BCL2L14: variants seen among roughly 807,000 people sequenced by gnomAD.
BCL2L14 encodes the protein apoptosis facilitator Bcl-2-like protein 14.
BCL2L14 carries 27 observed loss-of-function variants against 35.3 expected under a neutral mutation model. The ratio of observed to expected loss-of-function variants is 0.76; its 90% CI spans 0.56 to 1.05. BCL2L14 has a LOEUF of 1.05. Among genes scored for constraint, BCL2L14 ranks in the 50% least tolerant of loss-of-function variants. BCL2L14 has a pLI of 0.00. For synonymous variants in BCL2L14, 139 were observed against 145.9 expected, an observed-to-expected ratio of 0.95 and a Z score of 0.34; for missense variants, 377 against 382.6, an observed-to-expected ratio of 0.99 and a Z score of 0.12.
intron 5 of BCL2L14, chr12:12,095,596 C>A (rs885636): frequency 1.6e-5 from 16 of 985,054 alleles, no homozygotes; most frequent in Non-Finnish European, 1.9e-5. Flanking sequence ...AAATGTACTA[C>A]CCCACAACTT....
At position 12,079,518 on chromosome 12, in the gene BCL2L14, A is replaced by G. The variant is rs756267399; in HGVS notation, c.213A>G (p.Ser71=). The G allele has an allele frequency of 2.5e-6, 4 of 1,614,244 alleles. No homozygotes were observed. The East Asian group carries it at 8.9e-5, about 36-fold the overall frequency. The part of the protein sequence containing the change: ...CSANESWTEV[S]WPCRNSQSSE... Reference sequence around the variant, plus strand: ...CAAATGAGTCATGGACAGAGGTGTCATGGCCTTGCAGAAATTCCCAATCCA... The same window carrying G: ...CAAATGAGTCATGGACAGAGGTGTCGTGGCCTTGCAGAAATTCCCAATCCA... Residue 71 remains serine, a synonymous_variant, in exon 2 of 6, where the codon TCA becomes TCG. Transcript: ENST00000308721.
At position 12,094,724 on chromosome 12, in the gene BCL2L14, A is replaced by T. The variant is rs963494254; in HGVS notation, c.739A>T (p.Lys247Ter). ...FQDGLSYSVFKTITDQVLMGV... is the reference protein window; with the variant it reads ...FQDGLSYSVF ...GGATGGGCTGTCCTACTCTGTTTTC[A>T]AGACCATCACAGACCAGGTCCTAAT... Residue 247 changes from lysine (K) to a stop codon, truncating the protein, a stop_gained, in exon 5 of 6, where the codon AAG becomes TAG. Transcript: ENST00000308721. LOFTEE classifies it high-confidence loss of function. The T allele has an allele frequency of 1.2e-6, 2 of 1,614,220 alleles. No homozygotes were observed. Among genetic ancestry groups the T allele is most frequent in the Admixed American group, 1.7e-5 (1 of 60,028 alleles).
rs1949276430 is a variant in BCL2L14 at position 12,094,759 on chromosome 12, C to T, written c.774C>T (p.Asp258=). The T allele has an allele frequency of 6.2e-7, 1 of 1,614,108 alleles. No individual in the cohort carries two copies. Among genetic ancestry groups the T allele is most frequent in the Non-Finnish European group, 8.5e-7 (1 of 1,180,022 alleles). ...CAGACCAGGTCCTAATGGGTGTGGA[C>T]CCCAGGGGAGAATCAGAGGTCAAAG... The part of the protein sequence containing the change: ...TITDQVLMGV[D]PRGESEVKAQ... The change falls in exon 5 of 6, where the codon GAC becomes GAT. Residue 258 remains aspartate, a synonymous_variant. Coordinates refer to ENST00000308721, the MANE Select transcript of BCL2L14 (RefSeq NM_138723.2).
At chr12:12,078,004 C>G (rs1641721) in intron 1 of BCL2L14, 315,531 of 433,598 alleles carry the variant, frequency 0.73, 115,655 homozygotes, top group African/African-American at 0.8. Context: ...GGAAATTGAA[C>G]AAAATCAGTT....
chr12:12,053,714 C>T (rs528385870), intron 2 of BCL2L14, among the ~76,000 whole-genome samples: 6 of 152,306 alleles, frequency 3.9e-5, no homozygotes, highest in East Asian at 3.9e-4. Flanking sequence ...CATGCCCAGC[C>T]GGCAATATAA....
Position 12,079,680 on chromosome 12 carries a change from G to T in BCL2L14, c.375G>T (p.Ser125=), listed in dbSNP as rs748708542. 2 of 1,614,090 alleles carry T rather than the reference G, an allele frequency of 1.2e-6. No homozygotes were observed. Among genetic ancestry groups the T allele is most frequent in the African/African-American group, 2.7e-5 (2 of 74,932 alleles). The change falls in exon 2 of 6, where the codon TCG becomes TCT. Residue 125 remains serine (S), a synonymous_variant. Coordinates refer to ENST00000308721, the MANE Select transcript of BCL2L14 (RefSeq NM_138723.2). ...QGQRTLEYQD[S]HSQQWSRCLS... ...AAAGGACGTTGGAATACCAAGATTC[G>T]CACAGCCAGCAGTGGTCCAGGTGTC...
At chr12:12,063,072 A>C (rs1348637606) in intron 2 of BCL2L14, among the ~76,000 whole-genome samples, 3 of 151,756 alleles carry the variant, frequency 2.0e-5, no homozygotes, top group African/African-American at 7.3e-5. Context: ...CCCCAGTCTC[A>C]TTCCAGACAG....
intron 2 of BCL2L14, chr12:12,055,487 A>C (rs1489885205): frequency 6.6e-6 from 1 of 152,134 alleles, no homozygotes; most frequent in Non-Finnish European, 1.5e-5. Context: ...ACATCAATGC[A>C]CGGTTTTTGA....
At chr12:12,088,467 A>G (rs745633637) in intron 3 of BCL2L14, among the ~76,000 whole-genome samples, 2 of 152,122 alleles carry the variant, frequency 1.3e-5, no homozygotes, top group Non-Finnish European at 2.9e-5. Context: ...TGCGGCCGCC[A>G]TGTTGGACAT....
chr12:12,075,032 C>CA (rs1446270047), intron 1 of BCL2L14, among the ~76,000 whole-genome samples: 2 of 152,094 alleles, frequency 1.3e-5, no homozygotes, highest in Non-Finnish European at 2.9e-5. Context: ...CATCTTTATA[C>CA]AGTATGTTTG....
rs756888661 is a variant in BCL2L14, at chr12:12,090,803, A to G, written c.632A>G (p.Lys211Arg). ...GATGAAGAAGAACAAATACTAGCCA[A>G]AATTGTTGAGCTGCTGAAATATTCA... is the stretch of plus-strand genomic sequence containing the variant. ...KKDEEEQILA[K>R]IVELLKYSGD... Residue 211 changes from lysine (K) to arginine (R), a missense_variant, in exon 4 of 6, where the codon AAA becomes AGA. Physicochemically the swap from Lys to Arg is conservative, Grantham distance 26. Transcript: ENST00000308721. 1.2e-6 allele frequency: 2 copies of G among 1,613,596 alleles called. No homozygotes were observed. Among genetic ancestry groups the G allele is most frequent in the Non-Finnish European group, 1.7e-6 (2 of 1,179,756 alleles).
At chr12:12,081,945 A>G (rs1948936364) in intron 2 of BCL2L14, among the ~76,000 whole-genome samples, 2 of 152,176 alleles carry the variant, frequency 1.3e-5, no homozygotes, top group Non-Finnish European at 2.9e-5. Flanking sequence ...AGGTGGCAGT[A>G]ATGTCTCAGT....
rs542190109 is a variant in BCL2L14, at chr12:12,079,730, A to G, written c.425A>G (p.Glu142Gly). 1.9e-6 allele frequency: 3 copies of G among 1,611,450 alleles called. No homozygotes were observed. The African/African-American group carries it at 4.0e-5, about 22-fold the overall frequency. ...RCLSNVEQCL[E>G]HEAVDPKVIS... is the part of the protein sequence containing the mutation. ...CTTTCTAACGTGGAGCAGTGCTTGG[A>G]GCATGAAGGTAGGCATCTGGGATTT... Residue 142 changes from glutamate to glycine, a missense_variant, in exon 2 of 6, where the codon GAG becomes GGG. Glu to Gly is a moderately conservative substitution (Grantham distance 98, BLOSUM62 -2). Coordinates refer to ENST00000308721, the MANE Select transcript of BCL2L14 (RefSeq NM_138723.2).
intron 1 of BCL2L14, among the ~76,000 whole-genome samples, chr12:12,078,236 C>T (rs1233829945): frequency 6.6e-6 from 1 of 151,868 alleles, no homozygotes; most frequent in Non-Finnish European, 1.5e-5. Context: ...CATGGCATAC[C>T]AAATATAGCA....
At chr12:12,064,644 T>G (rs967568191) in intron 2 of BCL2L14, among the ~76,000 whole-genome samples, 1 of 152,188 alleles carries the variant, frequency 6.6e-6, no homozygotes, top group African/African-American at 2.4e-5. Context: ...CATCTCCAAT[T>G]TTACAGTAAA....
intron 3 of BCL2L14, among the ~76,000 whole-genome samples, chr12:12,087,804 G>C (rs1949081035): frequency 1.3e-5 from 2 of 152,184 alleles, no homozygotes; most frequent in South Asian, 4.2e-4. Context: ...AAAAGCAGGG[G>C]TTGTCAGGCA....
chr12:12,064,955 T>C (rs1177853529), intron 2 of BCL2L14, among the ~76,000 whole-genome samples: 1 of 152,214 alleles, frequency 6.6e-6, no homozygotes, highest in Non-Finnish European at 1.5e-5. Context: ...GCACTATCAC[T>C]TCAATCCTTC....
At chr12:12,090,629 G>A (rs1172270790) in intron 3 of BCL2L14, 150 bp from the exon 4 acceptor site, 8 of 553,786 alleles carry the variant, frequency 1.4e-5, no homozygotes, top group African/African-American at 4.1e-5. Flanking sequence ...GCAAAACTCT[G>A]TCTAAAAAAT....
In BCL2L14 at chr12:12,098,935, AT is replaced by A; in HGVS notation, c.946-10del. On this transcript the variant is annotated splice_polypyrimidine_tract_variant and intron_variant, in intron 5 of 5. Coordinates refer to ENST00000308721, the MANE Select transcript of BCL2L14 (RefSeq NM_138723.2). ...ATCTAACTTGGAATTTTAAGAACCT[AT>A]TTTTCCCCTCTAGGAAAAAATACTT... The A allele has an allele frequency of 1.3e-6, 2 of 1,568,526 alleles. No homozygotes were observed. The highest frequency in any genetic ancestry group is 1.8e-6 in the Non-Finnish European group (2 of 1,138,568).
Sources: gnomAD v4.1 joint callset for allele counts (sites outside exome capture counted in the v4.1 genomes callset) on GRCh38, gnomAD v4.1.1 for gene constraint, MANE v1.5 for transcripts, NCBI Gene and HGNC (gene_info 2026-07-23, HGNC 2026-07-21) for gene names.